Variants in CACNA1E observed in about 807,000 individuals in gnomAD.
CACNA1E encodes the protein calcium voltage-gated channel subunit alpha1 E, also known as voltage-dependent R-type calcium channel subunit alpha-1E.
In CACNA1E, 40 loss-of-function variants were observed where a neutral mutation model predicts 259.2. The ratio of observed to expected loss-of-function variants is 0.15; its 90% confidence interval spans 0.12 to 0.20. CACNA1E has a LOEUF of 0.20. Ranked by LOEUF, CACNA1E falls within the 10% of genes least tolerant of loss-of-function variation. The pLI is 1.00. For missense variants in CACNA1E, 1,874 were observed against 3,040.1 expected (o/e 0.62, Z 9.02); for synonymous variants, 1,104 against 1,138.5 (o/e 0.97, Z 0.61).
intron 1 of CACNA1E, among the ~76,000 whole-genome samples, chr1:181,493,511 C>T (rs1302830766): frequency 2.6e-5 from 4 of 152,104 alleles, no homozygotes; most frequent in Non-Finnish European, 2.9e-5. Context: ...TGGAAATATT[C>T]CTCCTTATAG....
At chr1:181,573,610 TG>T (rs1482667333) in intron 3 of CACNA1E, among the ~76,000 whole-genome samples, 7 of 152,206 alleles carry the variant, frequency 4.6e-5, no homozygotes, top group Admixed American at 3.9e-4. Flanking sequence ...CCAGTCAGAA[TG>T]GTGATTATTA....
At chr1:181,417,133 A>T (rs561292209) in intron 2 of CACNA1E, among the ~76,000 whole-genome samples, 1 of 152,220 alleles carries the variant, frequency 6.6e-6, no homozygotes, top group East Asian at 1.9e-4. Flanking sequence ...TCTAGTGCTC[A>T]GTTCCCAAGA....
chr1:181,639,738 G>C (rs530568273), intron 6 of CACNA1E, among the ~76,000 whole-genome samples: 1 of 152,196 alleles, frequency 6.6e-6, no homozygotes, highest in Non-Finnish European at 1.5e-5. Context: ...TTTTAATCTT[G>C]TTGTGCCCCA....
At chr1:181,642,002 G>A (rs1490370046) in intron 6 of CACNA1E, among the ~76,000 whole-genome samples, 1 of 152,054 alleles carries the variant, frequency 6.6e-6, no homozygotes, top group Non-Finnish European at 1.5e-5. Flanking sequence ...GTGAGCCACC[G>A]CGCCTGGCCT....
intron 25 of CACNA1E, among the ~76,000 whole-genome samples, chr1:181,741,979 A>G (rs1259092034): frequency 6.6e-6 from 1 of 152,128 alleles, no homozygotes; most frequent in East Asian, 1.9e-4. Context: ...AACATAGATG[A>G]TACTTGCTCA....
intron 1 of CACNA1E, among the ~76,000 whole-genome samples, chr1:181,327,627 G>T (rs1425294976): frequency 6.6e-6 from 1 of 152,196 alleles, no homozygotes. Context: ...ACACAGTTAA[G>T]TGCTAAATAA....
At chr1:181,494,174 T>C (rs1664542907) in intron 1 of CACNA1E, among the ~76,000 whole-genome samples, 1 of 152,238 alleles carries the variant, frequency 6.6e-6, no homozygotes, top group East Asian at 1.9e-4. Context: ...CTTTGTTGTA[T>C]CACATACCAC....
At chr1:181,610,518 A>T (rs758833091) in intron 6 of CACNA1E, among the ~76,000 whole-genome samples, 14 of 152,228 alleles carry the variant, frequency 9.2e-5, no homozygotes, top group Non-Finnish European at 1.2e-4. Context: ...GCTGAATATT[A>T]TTAATTATTC....
chr1:181,542,392 A>G (rs1668650013), intron 3 of CACNA1E, among the ~76,000 whole-genome samples: 1 of 152,240 alleles, frequency 6.6e-6, no homozygotes, highest in Non-Finnish European at 1.5e-5. Context: ...TGATGAAGAA[A>G]TAGTGGCTGA....
In CACNA1E at chr1:181,737,521, G is replaced by C. The variant is rs1212405193; in HGVS notation, c.3423-4G>C. 2 of 1,613,512 alleles carry C rather than the reference G, an allele frequency of 1.2e-6. No homozygotes were observed. The highest frequency in any genetic ancestry group is 3.3e-4 in the Middle Eastern group (2 of 6,054). ...GCCAGCTCAGCCATGCCCACTGCCC[G>C]CAGGATCCGGAGGGCCTGCCACTAC... On this transcript the variant is annotated splice_region_variant and splice_polypyrimidine_tract_variant and intron_variant, in intron 22 of 47. Coordinates refer to ENST00000367573, the MANE Select transcript of CACNA1E (RefSeq NM_001205293.3).
At chr1:181,726,298 G>C (rs1654905263) in intron 18 of CACNA1E, 136 bp downstream of exon 18, 4 of 614,208 alleles carry the variant, frequency 6.5e-6, no homozygotes, top group Non-Finnish European at 1.2e-5. Flanking sequence ...CAGTGAGCCA[G>C]ACAGAGTCTG....
chr1:181,776,072 T>A lies in CACNA1E; in HGVS notation c.5140-29T>A. The A allele has an allele frequency of 6.2e-7, 1 of 1,603,120 alleles. No individual in the cohort carries two copies. The highest frequency in any genetic ancestry group is 1.3e-5 in the African/African-American group (1 of 74,914). On this transcript the variant is annotated intron_variant, in intron 37 of 47. Transcript: ENST00000367573. This position sits in a 1 kb window ranked among gnomAD's most constrained non-coding sequence, Gnocchi z 4.4. ...CCTGAGCTCTGCTTTAGGTTTCCCC[T>A]AACCCCTCTTCTTCCCCTTGCCCTT...
chr1:181,484,996 G>C (rs1428114050), intron 1 of CACNA1E, among the ~76,000 whole-genome samples: 3 of 152,242 alleles, frequency 2.0e-5, no homozygotes, highest in Admixed American at 1.3e-4. Flanking sequence ...TGATTAGGCA[G>C]CTCACTGCCT....
At chr1:181,761,110 G>A (rs908534159) in intron 32 of CACNA1E, among the ~76,000 whole-genome samples, 3 of 152,166 alleles carry the variant, frequency 2.0e-5, no homozygotes, top group Admixed American at 2.0e-4. Context: ...ATGCCCCATA[G>A]GTACATGTGG....
intron 44 of CACNA1E, among the ~76,000 whole-genome samples, chr1:181,791,296 C>T (rs369895808): frequency 6.6e-6 from 1 of 152,252 alleles, no homozygotes; most frequent in African/African-American, 2.4e-5. Context: ...ACGGTGAAAC[C>T]CCGTCTCTAC....
rs548925618 is a variant in CACNA1E, at chr1:181,485,462, T to C, written c.266+1452T>C. On this transcript the variant is annotated intron_variant, in intron 1 of 47. Transcript: ENST00000367573. This position sits in a 1 kb window ranked among gnomAD's most constrained non-coding sequence, Gnocchi z 4.2. Reference sequence around the variant, plus strand: ...AGCATCTCTAAGCAGATATTCTTCCTGCTGCTGTTCGCATCCTCCCACAGC... The same window carrying C: ...AGCATCTCTAAGCAGATATTCTTCCCGCTGCTGTTCGCATCCTCCCACAGC... 2.0e-5 allele frequency among the ~76,000 whole-genome samples: 3 copies of C among 152,300 alleles called. No individual in the cohort carries two copies. The highest frequency in any genetic ancestry group is 2.1e-4 in the South Asian group (1 of 4,832).
rs921107286 is a variant in CACNA1E at position 181,708,167 on chromosome 1, G to T, written c.1056-2787G>T. Among the ~76,000 whole-genome samples, 5 of 152,186 alleles carry T rather than the reference G, an allele frequency of 3.3e-5. No homozygotes were observed. In the East Asian group the frequency reaches 7.7e-4, roughly 23 times the overall value. ...GTGGTGGGCTGTAGGCAGGCAGGGG[G>T]TGGATAGGGATGGCAGGAGGAGATA... On this transcript the variant is annotated intron_variant, in intron 7 of 47. Transcript: ENST00000367573.
chr1:181,471,872 AT>A (rs149942234), intron 2 of CACNA1E, among the ~76,000 whole-genome samples: 3,495 of 152,328 alleles, frequency 0.023, 137 homozygotes, highest in African/African-American at 0.08. Flanking sequence ...TCTCAGTATC[AT>A]TCTGTAAACT....
At chr1:181,588,023 T>C (rs1415918273) in intron 6 of CACNA1E, among the ~76,000 whole-genome samples, 1 of 152,256 alleles carries the variant, frequency 6.6e-6, no homozygotes, top group African/African-American at 2.4e-5. Context: ...TGATTTCTAA[T>C]TTGATGCTCG....
Sources: allele counts gnomAD v4.1 joint callset (sites outside exome capture counted in the v4.1 genomes callset), GRCh38; gene constraint gnomAD v4.1.1; non-coding constraint Gnocchi (gnomAD v3.1); transcripts MANE v1.5; gene names NCBI Gene and HGNC (gene_info 2026-07-23, HGNC 2026-07-21).